ZFYVE26: variants seen among roughly 807,000 people sequenced by gnomAD.
ZFYVE26 encodes the protein zinc finger FYVE domain-containing protein 26.
ZFYVE26 carries 181 observed loss-of-function variants against 276.5 expected under a neutral mutation model. The observed-to-expected ratio is 0.65, with a 90% CI of 0.58 to 0.74. ZFYVE26 has a LOEUF of 0.74. Ranked by LOEUF, ZFYVE26 falls within the 30% of genes least tolerant of loss-of-function variation. The pLI is 0.00. For missense variants in ZFYVE26, 2,821 were observed against 3,097.9 expected (o/e 0.91, Z 2.12); for synonymous variants, 1,129 against 1,203.1 (o/e 0.94, Z 1.27).
At chr14:67,759,622 CAA>C (rs10687512) in intron 35 of ZFYVE26, among the ~76,000 whole-genome samples, 5 of 107,034 alleles carry the variant, frequency 4.7e-5, no homozygotes, top group East Asian at 5.0e-4. Context: ...GACTCTGGCT[CAA>C]AAAAAAAAAA....
intron 9 of ZFYVE26, among the ~76,000 whole-genome samples, chr14:67,802,920 GT>G (rs1234814441): frequency 6.6e-6 from 1 of 152,200 alleles, no homozygotes; most frequent in African/African-American, 2.4e-5. Context: ...AAGTGTCTCT[GT>G]CCTGTGGGGC....
chr14:67,740,363 GATT>G (rs34890002), intron 13 of ZFYVE26, among the ~76,000 whole-genome samples: 17,557 of 151,814 alleles, frequency 0.12, 1,350 homozygotes, highest in South Asian at 0.33. Flanking sequence ...AAATGTTTTA[GATT>G]ATTTTTCTTT....
intron 14 of ZFYVE26, among the ~76,000 whole-genome samples, chr14:67,792,438 A>C (rs1804544348): frequency 6.6e-6 from 1 of 152,220 alleles, no homozygotes; most frequent in African/African-American, 2.4e-5. Flanking sequence ...TAATCCTCTT[A>C]ACATTCCTAT....
intron 35 of ZFYVE26, among the ~76,000 whole-genome samples, chr14:67,758,128 A>G (rs959418685): frequency 2.0e-5 from 3 of 152,208 alleles, no homozygotes; most frequent in African/African-American, 7.2e-5. Flanking sequence ...AGAGTCAAGG[A>G]TGGCTATAAA....
intron 10 of ZFYVE26, chr14:67,799,093 A>G (rs1255165321): frequency 8.1e-7 from 1 of 1,234,176 alleles, no homozygotes; most frequent in Non-Finnish European, 1.2e-6. Context: ...AGGACTCTCC[A>G]GTGCTCACCC....
chr14:67,778,870 C>T (rs1188951999), intron 23 of ZFYVE26, among the ~76,000 whole-genome samples: 1 of 152,192 alleles, frequency 6.6e-6, no homozygotes, highest in Non-Finnish European at 1.5e-5. Context: ...TTCCTTGTTT[C>T]TCAGGCTATG....
chr14:67,781,656 T>C, intron 21 of ZFYVE26, 127 bp from the exon 22 acceptor site: 2 of 849,568 alleles, frequency 2.4e-6, no homozygotes, highest in Non-Finnish European at 3.8e-6. Context: ...ATCCTTAAGA[T>C]GGATGTGATC....
chr14:67,758,252 C>A (rs1464329414), intron 35 of ZFYVE26, among the ~76,000 whole-genome samples: 1 of 152,128 alleles, frequency 6.6e-6, no homozygotes, highest in Non-Finnish European at 1.5e-5. Context: ...GGCTTCTTTC[C>A]TGATTCAGGT....
At chr14:67,776,185 G>A in intron 25 of ZFYVE26, 79 bp from the exon 26 acceptor site, 4 of 1,598,162 alleles carry the variant, frequency 2.5e-6, no homozygotes, top group Non-Finnish European at 3.4e-6. Flanking sequence ...CACTGGGAAG[G>A]GGAAGGGTGC....
At chr14:67,796,917 A>G (rs1355630278) in intron 12 of ZFYVE26, 1 of 152,282 alleles carries the variant, frequency 6.6e-6, no homozygotes, top group Non-Finnish European at 1.5e-5. Flanking sequence ...GCACCACTGC[A>G]CTCCAGCCTG....
At chr14:67,758,281 C>A (rs1161814390) in intron 35 of ZFYVE26, among the ~76,000 whole-genome samples, 1 of 152,116 alleles carries the variant, frequency 6.6e-6, no homozygotes, top group Non-Finnish European at 1.5e-5. Context: ...ACAGAGAAAA[C>A]CAGACCTAAT....
intron 18 of ZFYVE26, 102 bp downstream of exon 18, chr14:67,785,756 G>C (rs2039634051): frequency 2.0e-6 from 3 of 1,514,400 alleles, no homozygotes; most frequent in Non-Finnish European, 2.7e-6. Context: ...ATAGATCCCA[G>C]TTCTGGAGTC....
chr14:67,773,571 A>ACACACACACACACACC (rs752443262), intron 27 of ZFYVE26, among the ~76,000 whole-genome samples: 2 of 146,650 alleles, frequency 1.4e-5, no homozygotes, highest in South Asian at 2.2e-4. Flanking sequence ...ACACACACAC[A>ACACACACACACACACC]CCCCAAAGCT....
chr14:67,783,476 C>T lies in ZFYVE26; in HGVS notation c.3676G>A (p.Val1226Ile), dbSNP rs758318896. 3.1e-6 allele frequency: 5 copies of T among 1,613,746 alleles called. No homozygotes were observed. The East Asian group carries it at 8.9e-5, about 29-fold the overall frequency. The change falls in exon 21 of 42, where the codon GTC becomes ATC. Residue 1226 changes from valine to isoleucine, a missense_variant. Val to Ile is a conservative substitution (Grantham distance 29). Coordinates refer to ENST00000347230, the MANE Select transcript of ZFYVE26 (RefSeq NM_015346.4). ...QENLSLSVPQVIVSCCCEPLA... is the reference protein window; with the variant it reads ...QENLSLSVPQIIVSCCCEPLA... Reference sequence around the variant, plus strand: ...GGCTCACAGCAGCAGCTGACGATGACCTGTGGCACACTTAGGCTGAGATTC... The same window carrying T: ...GGCTCACAGCAGCAGCTGACGATGATCTGTGGCACACTTAGGCTGAGATTC...
At chr14:67,807,974 A>C (rs190436440) in intron 4 of ZFYVE26, 54 bp from the exon 5 acceptor site, 4 of 1,597,686 alleles carry the variant, frequency 2.5e-6, no homozygotes, top group Non-Finnish European at 3.4e-6. Flanking sequence ...GAATGGTATC[A>C]CTTGTGTGCC....
chr14:67,808,348 C>T (rs536646431), intron 4 of ZFYVE26, among the ~76,000 whole-genome samples: 1 of 152,224 alleles, frequency 6.6e-6, no homozygotes, highest in East Asian at 1.9e-4. Context: ...AGTTTTTAAC[C>T]CTTGATCTAA....
At chr14:67,767,934 T>C in intron 30 of ZFYVE26, 94 bp from the exon 31 acceptor site, 1 of 1,564,248 alleles carries the variant, frequency 6.4e-7, no homozygotes, top group Admixed American at 1.7e-5. Flanking sequence ...GGTAGACACT[T>C]GCCTGCTATC....
chr14:67,753,844 T>C (rs1594883842), intron 38 of ZFYVE26, 78 bp from the exon 39 acceptor site: 2 of 1,543,652 alleles, frequency 1.3e-6, no homozygotes, highest in African/African-American at 2.7e-5. Flanking sequence ...AAGGCCTCTA[T>C]TTATTCAATT....
chr14:67,798,662 A>G (rs377504957), intron 10 of ZFYVE26, 40 bp from the exon 11 acceptor site: 10 of 1,612,666 alleles, frequency 6.2e-6, no homozygotes, highest in Non-Finnish European at 7.6e-6. Flanking sequence ...AGAGAAAGAG[A>G]AGACAGAGAA....
Sources: allele counts gnomAD v4.1 joint callset (sites outside exome capture counted in the v4.1 genomes callset), GRCh38; gene constraint gnomAD v4.1.1; transcripts MANE v1.5; gene names NCBI Gene and HGNC (gene_info 2026-07-23, HGNC 2026-07-21).